DLG5: variants seen among roughly 807,000 people sequenced by gnomAD.
The protein encoded by DLG5 is disks large homolog 5.
In DLG5, 48 loss-of-function variants were observed where a neutral mutation model predicts 189.8. That is an observed-to-expected ratio of 0.25 (90% CI 0.20 to 0.32). The LOEUF (loss-of-function observed/expected upper bound fraction) is 0.32. Among genes scored for constraint, DLG5 ranks in the 10% least tolerant of loss-of-function variants. The pLI is 1.00. For missense variants in DLG5, 2,160 were observed against 2,544.7 expected (o/e 0.85, Z 3.25); for synonymous variants, 1,016 against 1,054.1 (o/e 0.96, Z 0.70).
At chr10:77,854,126 G>A in intron 4 of DLG5, 101 bp downstream of exon 4, 1 of 1,458,638 alleles carries the variant, frequency 6.9e-7, no homozygotes, top group Non-Finnish European at 9.2e-7. Context: ...CACAGGGACA[G>A]GACTAGAACC....
At chr10:77,925,306 G>C (rs780498462) in intron 1 of DLG5, among the ~76,000 whole-genome samples, 1 of 152,192 alleles carries the variant, frequency 6.6e-6, no homozygotes, top group Non-Finnish European at 1.5e-5. Flanking sequence ...CACAACAGTA[G>C]ATGCCCAATA....
intron 1 of DLG5, among the ~76,000 whole-genome samples, chr10:77,893,867 C>T (rs1319588797): frequency 6.6e-6 from 1 of 152,184 alleles, no homozygotes; most frequent in Non-Finnish European, 1.5e-5. Context: ...GGGCCTGAAC[C>T]CTTCCCAGAG....
At chr10:77,898,661 G>GC (rs568559509) in intron 1 of DLG5, among the ~76,000 whole-genome samples, 38 of 152,336 alleles carry the variant, frequency 2.5e-4, no homozygotes, top group African/African-American at 8.9e-4. Flanking sequence ...GCTGGGCCCC[G>GC]CGTCTATCCC....
chr10:77,806,985 C>T (rs1432890361), intron 25 of DLG5, 57 bp from the exon 26 acceptor site: 8 of 1,573,104 alleles, frequency 5.1e-6, no homozygotes, highest in Non-Finnish European at 7.0e-6. Flanking sequence ...AAGGACGAAC[C>T]AGGTGCCTTC....
In DLG5 at chr10:77,810,716, C is replaced by T. The variant is rs531345202; in HGVS notation, c.4463+378G>A. ...CTCCCAGCACCCTGACTCTGCTGCA[C>T]GTGCCCGGCACTGGTCTGCCACCTC... On this transcript the variant is annotated intron_variant, in intron 23 of 31. Transcript: ENST00000372391. Among the ~76,000 whole-genome samples the T allele has an allele frequency of 2.9e-4, 44 of 152,338 alleles. 2 individuals carry two copies. Among genetic ancestry groups the T allele is most frequent in the African/African-American group, 9.4e-4 (39 of 41,580 alleles).
intron 24 of DLG5, 64 bp downstream of exon 24, chr10:77,809,483 G>T: frequency 6.6e-7 from 1 of 1,521,708 alleles, no homozygotes; most frequent in South Asian, 1.3e-5. Context: ...TGCCACCTGA[G>T]ATGGCAGCAA....
chr10:77,913,740 C>T (rs1846287670), intron 1 of DLG5, among the ~76,000 whole-genome samples: 1 of 152,104 alleles, frequency 6.6e-6, no homozygotes, highest in Admixed American at 6.6e-5. Flanking sequence ...AGGCAGTGTC[C>T]CCTTGCTCAG....
chr10:77,806,636 A>T, intron 26 of DLG5, 122 bp downstream of exon 26: 1 of 1,334,676 alleles, frequency 7.5e-7, no homozygotes, highest in African/African-American at 1.5e-5. Flanking sequence ...AGAAGCTAAG[A>T]TAAGAAGCAG....
chr10:77,797,765 G>T (rs891124031), intron 27 of DLG5, among the ~76,000 whole-genome samples: 2 of 152,202 alleles, frequency 1.3e-5, no homozygotes, highest in African/African-American at 2.4e-5. Context: ...GAGGCAGAAG[G>T]CTCAGGAGAA....
At position 77,896,638 on chromosome 10, in the gene DLG5, C is replaced by T. The variant is rs111813342; in HGVS notation, c.305-27441G>A. Among the ~76,000 whole-genome samples the T allele has an allele frequency of 4.6e-3, 698 of 152,106 alleles. 6 individuals are homozygous for T. Among genetic ancestry groups the T allele is most frequent in the African/African-American group, 0.016 (643 of 41,458 alleles). ...GGGTGGATCACTGAGGTCAGGAGTT[C>T]GAGACCAGCCCAGCAAATATGGTGA... On this transcript the variant is annotated intron_variant, in intron 1 of 31. Transcript: ENST00000372391.
intron 1 of DLG5, among the ~76,000 whole-genome samples, chr10:77,921,749 C>T (rs12220311): frequency 0.19 from 29,103 of 152,224 alleles, 3,372 homozygotes; most frequent in South Asian, 0.27. Flanking sequence ...GCTTCTCCAG[C>T]GGACGCTGCT....
intron 5 of DLG5, among the ~76,000 whole-genome samples, chr10:77,845,590 T>TGGAGGGAA (rs1843645942): frequency 7.4e-6 from 1 of 135,110 alleles, no homozygotes; most frequent in African/African-American, 2.8e-5. Flanking sequence ...GAGGGAGAAA[T>TGGAGGGAA]GGAGGGAAGG....
intron 9 of DLG5, among the ~76,000 whole-genome samples, chr10:77,833,435 C>CA (rs1842970564): frequency 6.6e-6 from 1 of 152,214 alleles, no homozygotes; most frequent in Non-Finnish European, 1.5e-5. Flanking sequence ...TCTCTTCCTG[C>CA]GCACTGTGAG....
chr10:77,831,867 T>G (rs555592496), intron 9 of DLG5, among the ~76,000 whole-genome samples: 2 of 152,380 alleles, frequency 1.3e-5, no homozygotes, highest in South Asian at 4.1e-4. Context: ...AGGATGAAGA[T>G]GTAGTTCTTA....
chr10:77,821,408 G>A lies in DLG5; in HGVS notation c.3076C>T (p.His1026Tyr). Residue 1026 changes from histidine (H) to tyrosine (Y), a missense_variant, in exon 15 of 32, where the codon CAC becomes TAC. Coordinates refer to ENST00000372391, the MANE Select transcript of DLG5 (RefSeq NM_004747.4). ...PRRSDSIKFQHRLETSSESEA... is the reference protein window; with the variant it reads ...PRRSDSIKFQYRLETSSESEA... Reference sequence around the variant, plus strand: ...GACTCGGAGCTAGTCTCCAGCCTGTGCTGGAACTTAATGGAGTCGCTCCTT... The same window carrying A: ...GACTCGGAGCTAGTCTCCAGCCTGTACTGGAACTTAATGGAGTCGCTCCTT... 1 of 1,612,764 alleles carries A rather than the reference G, an allele frequency of 6.2e-7. No individual in the cohort carries two copies. The highest frequency in any genetic ancestry group is 8.5e-7 in the Non-Finnish European group (1 of 1,179,968).
At chr10:77,868,319 G>T in intron 2 of DLG5, 1 of 359,138 alleles carries the variant, frequency 2.8e-6, no homozygotes, top group East Asian at 7.4e-5. Flanking sequence ...AGGAGTGTGG[G>T]GCCCACATCT....
chr10:77,930,946 G>C (rs1846781220), upstream of DLG5, among the ~76,000 whole-genome samples: 1 of 149,980 alleles, frequency 6.7e-6, no homozygotes, highest in Non-Finnish European at 1.5e-5. Context: ...TCAGCCTCCT[G>C]AGTAGCTGGG....
chr10:77,853,988 C>T (rs949447124), intron 4 of DLG5, among the ~76,000 whole-genome samples: 2 of 152,254 alleles, frequency 1.3e-5, no homozygotes. Context: ...TTCTGAATCA[C>T]TTTCATGCCT....
Position 77,922,030 on chromosome 10 carries a change from G to C in DLG5, c.304+4187C>G, listed in dbSNP as rs76836008. Among the ~76,000 whole-genome samples, 406 of 152,256 alleles carry C rather than the reference G, an allele frequency of 2.7e-3. 13 individuals are homozygous for C. In the East Asian group the frequency reaches 0.069, roughly 26 times the overall value. On this transcript the variant is annotated intron_variant, in intron 1 of 31. Transcript: ENST00000372391. Reference sequence around the variant, plus strand: ...GTAGCATACCGAGTTTTTTATAAAAGAAAAAGCCTGTTTGTGCATCTCTAT... The same window carrying C: ...GTAGCATACCGAGTTTTTTATAAAACAAAAAGCCTGTTTGTGCATCTCTAT...
Sources: gnomAD v4.1 joint callset for allele counts (sites outside exome capture counted in the v4.1 genomes callset) on GRCh38, gnomAD v4.1.1 for gene constraint, MANE v1.5 for transcripts, NCBI Gene and HGNC (gene_info 2026-07-23, HGNC 2026-07-21) for gene names.